Variants in VPS39 observed in about 807,000 individuals in gnomAD.
VPS39 encodes the protein vam6/Vps39-like protein.
Under a neutral mutation model 121.0 loss-of-function variants are expected in VPS39, and 70 were observed. The ratio of observed to expected loss-of-function variants is 0.58; its 90% CI spans 0.48 to 0.71. VPS39 has a LOEUF of 0.71. VPS39 is among the 30% of genes least tolerant of loss of function. The pLI, the probability that VPS39 is intolerant of heterozygous loss-of-function variation, is 0.00. For synonymous variants in VPS39, 378 were observed against 398.1 expected (o/e 0.95, Z 0.60); for missense variants, 818 against 1,051.5 (o/e 0.78, Z 3.07).
chr15:42,183,026 C>A (rs1190317706), intron 8 of VPS39, among the ~76,000 whole-genome samples: 4 of 152,114 alleles, frequency 2.6e-5, no homozygotes, highest in African/African-American at 9.7e-5. Context: ...AAAATACTGA[C>A]CTTTTGATTT....
chr15:42,206,938 T>C (rs560510122), intron 1 of VPS39, among the ~76,000 whole-genome samples: 1 of 152,340 alleles, frequency 6.6e-6, no homozygotes, highest in Admixed American at 6.5e-5. Flanking sequence ...ATGACAGAAA[T>C]TGGTTTTCTT....
intron 1 of VPS39, among the ~76,000 whole-genome samples, chr15:42,205,894 T>C (rs1223640057): frequency 6.6e-6 from 1 of 152,144 alleles, no homozygotes; most frequent in Admixed American, 6.5e-5. Context: ...TGCTGATAGA[T>C]GGGATACAGT....
chr15:42,178,032 G>A (rs2049492078), intron 10 of VPS39, among the ~76,000 whole-genome samples, 186 bp downstream of exon 10: 1 of 149,788 alleles, frequency 6.7e-6, no homozygotes, highest in Non-Finnish European at 1.5e-5. Flanking sequence ...GACAGATAAA[G>A]TGAAAAAGTA....
Position 42,161,935 on chromosome 15 carries a change from C to G in VPS39, c.2460+97G>C, listed in dbSNP as rs2049135523. The G allele has an allele frequency of 5.6e-6, 9 of 1,596,220 alleles. No individual in the cohort carries two copies. In the South Asian group the frequency reaches 9.2e-5, roughly 16 times the overall value. Reference sequence around the variant, plus strand: ...GGCTACTGGATCAGCTTGAGCTGCACTGTACAGGCTCTGCCTTGGTCAGAA... The same window carrying G: ...GGCTACTGGATCAGCTTGAGCTGCAGTGTACAGGCTCTGCCTTGGTCAGAA... On this transcript the variant is annotated intron_variant, in intron 23 of 24. Transcript: ENST00000318006.
At chr15:42,188,469 A>C (rs945189381) in intron 5 of VPS39, among the ~76,000 whole-genome samples, 7 of 152,236 alleles carry the variant, frequency 4.6e-5, no homozygotes, top group Non-Finnish European at 1.0e-4. Context: ...GTTTAGAACA[A>C]GACTCCATTT....
intron 15 of VPS39, 149 bp downstream of exon 15, chr15:42,166,414 C>T: frequency 8.8e-7 from 1 of 1,142,004 alleles, no homozygotes; most frequent in South Asian, 1.5e-5. Flanking sequence ...AGGCCAACCA[C>T]CGAGGGACTT....
chr15:42,179,021 A>G (rs1566899075), intron 8 of VPS39: 1 of 155,474 alleles, frequency 6.4e-6, no homozygotes, highest in Non-Finnish European at 1.4e-5. Flanking sequence ...AAAAAGAAAA[A>G]TAAAAAAAAA....
chr15:42,159,141 C>A lies in VPS39; in HGVS notation c.*1613G>T, dbSNP rs536084446. 2.1e-4 allele frequency: 32 copies of A among 152,404 alleles called. No individual in the cohort carries two copies. Among genetic ancestry groups the A allele is most frequent in the African/African-American group, 7.5e-4 (31 of 41,574 alleles). The allele number at this position is 152,404 out of a possible 1,614,324, so 9.4% of individuals were successfully genotyped here. ...TGCTCCTCCGAACTCTGGTGAAGGG[C>A]TGCCCAGCCTCACAGGCCTGAGCAG... On this transcript the variant is annotated 3_prime_UTR_variant, in exon 25 of 25. Transcript: ENST00000318006.
intron 2 of VPS39, 44 bp downstream of exon 2, chr15:42,199,852 T>C (rs749546440): frequency 1.3e-6 from 2 of 1,548,170 alleles, no homozygotes; most frequent in East Asian, 2.3e-5. Context: ...GTATACTAGC[T>C]GACTATTAAA....
intron 1 of VPS39, among the ~76,000 whole-genome samples, chr15:42,206,896 T>A (rs1169120279): frequency 6.6e-6 from 1 of 152,212 alleles, no homozygotes; most frequent in African/African-American, 2.4e-5. Context: ...CTTTTTCTCC[T>A]CCTCTATTTA....
intron 12 of VPS39, among the ~76,000 whole-genome samples, chr15:42,168,945 C>T (rs1332603973): frequency 6.6e-6 from 1 of 152,138 alleles, no homozygotes; most frequent in African/African-American, 2.4e-5. Flanking sequence ...GTCTCTGATT[C>T]TGAATGGGTA....
Position 42,164,451 on chromosome 15 carries a change from C to T in VPS39, c.1933G>A (p.Glu645Lys). Residue 645 changes from glutamate to lysine, a missense_variant, in exon 19 of 25, where the codon GAG becomes AAG. Physicochemically the swap from Glu to Lys is moderately conservative, Grantham distance 56. Transcript: ENST00000318006. ...TPVPAGEEEG[E>K]LGEYRQKLLM... ...AGCTTTTGCCGGTATTCTCCCAGCT[C>T]ACCCTCTTCCTCTCCAGCTGGGACT... 6.2e-7 allele frequency: 1 copy of T among 1,614,090 alleles called. No homozygotes were observed. Among genetic ancestry groups the T allele is most frequent in the Non-Finnish European group, 8.5e-7 (1 of 1,179,944 alleles).
At chr15:42,202,715 C>T (rs976863221) in intron 1 of VPS39, among the ~76,000 whole-genome samples, 2 of 152,152 alleles carry the variant, frequency 1.3e-5, no homozygotes, top group African/African-American at 4.8e-5. Context: ...TCAGCTTCCT[C>T]CCAAGTCGGC....
intron 21 of VPS39, chr15:42,162,716 A>G (rs2049156860): frequency 4.8e-6 from 2 of 418,200 alleles, no homozygotes; most frequent in Non-Finnish European, 8.4e-6. Context: ...TTCGTTTACC[A>G]TTATGCCATT....
At position 42,160,620 on chromosome 15, in the gene VPS39, G is replaced by T; in HGVS notation, c.*134C>A. On this transcript the variant is annotated 3_prime_UTR_variant, in exon 25 of 25. Transcript: ENST00000318006. The stretch of plus-strand genomic sequence containing the variant: ...GTCTAATTAATTCAGAGTTGTTCCA[G>T]GGCACAAGATAGCCAGTAATGTCCA... 1 of 777,238 alleles carries T rather than the reference G, an allele frequency of 1.3e-6. No individual in the cohort carries two copies. Among genetic ancestry groups the T allele is most frequent in the Non-Finnish European group, 2.2e-6 (1 of 445,422 alleles). The allele number at this position is 777,238 out of a possible 1,614,324, so 48.1% of individuals were successfully genotyped here.
rs2049505044 is a variant in VPS39 at position 42,178,491 on chromosome 15, T to C, written c.798A>G (p.Gln266=). Residue 266 remains glutamine (Q), a synonymous_variant, in exon 9 of 25, where the codon CAA becomes CAG. Coordinates refer to ENST00000318006, the MANE Select transcript of VPS39 (RefSeq NM_015289.5). ...AACGGGGCCTTTGCAATTCAATGCT[T>C]TGGACCAGAAGCCTCGGTTCAAATG... ...IRTFEPRLLV[Q]SIELQRPRFI... 1 of 1,614,198 alleles carries C rather than the reference T, an allele frequency of 6.2e-7. No homozygotes were observed. Among genetic ancestry groups the C allele is most frequent in the Non-Finnish European group, 8.5e-7 (1 of 1,180,028 alleles).
chr15:42,159,381 G>C lies in VPS39; in HGVS notation c.*1373C>G, dbSNP rs943951904. The C allele has an allele frequency of 6.6e-6, 1 of 152,318 alleles. No individual in the cohort carries two copies. Among genetic ancestry groups the C allele is most frequent in the African/African-American group, 2.4e-5 (1 of 41,454 alleles). The allele number at this position is 152,318 out of a possible 1,614,324, so 9.4% of individuals were successfully genotyped here. On this transcript the variant is annotated 3_prime_UTR_variant, in exon 25 of 25. Transcript: ENST00000318006. ...ATCACCCACCCTCACCACCATCAAAGACACTGGTGCAGTGAGACTTCGAGT... is the reference window on the plus strand; with the variant it reads ...ATCACCCACCCTCACCACCATCAAACACACTGGTGCAGTGAGACTTCGAGT...
chr15:42,184,467 G>A (rs1178122603), intron 8 of VPS39, 50 bp downstream of exon 8: 2 of 1,533,988 alleles, frequency 1.3e-6, no homozygotes. Context: ...TGCAGGAATG[G>A]CACACAACCT....
At chr15:42,163,283 C>T (rs1266431297) in intron 21 of VPS39, 67 bp downstream of exon 21, 1 of 1,580,496 alleles carries the variant, frequency 6.3e-7, no homozygotes, top group Non-Finnish European at 8.7e-7. Flanking sequence ...CATATTATTG[C>T]CACCTCTGGT....
Sources: allele counts gnomAD v4.1 joint callset (sites outside exome capture counted in the v4.1 genomes callset), GRCh38; gene constraint gnomAD v4.1.1; transcripts MANE v1.5; gene names NCBI Gene and HGNC (gene_info 2026-07-23, HGNC 2026-07-21).